The following NTM variants were observed in gnomAD, a reference collection of about 807,000 sequenced individuals.
NTM encodes the protein IgLON family member 2.
A neutral mutation model predicts 42.1 loss-of-function variants in NTM; 13 were observed. The observed-to-expected ratio is 0.31, with a 90% CI of 0.20 to 0.49. NTM has a LOEUF of 0.49. Among genes scored for constraint, NTM ranks in the 20% least tolerant of loss-of-function variants. The pLI, the probability that NTM is intolerant of heterozygous loss-of-function variation, is 0.99. For synonymous variants in NTM, 187 were observed against 179.2 expected (o/e 1.04, Z -0.35); for missense variants, 373 against 452.8 (o/e 0.82, Z 1.60).
chr11:131,747,282 A>G (rs1363311838), intron 1 of NTM, among the ~76,000 whole-genome samples: 2 of 152,160 alleles, frequency 1.3e-5, no homozygotes, highest in African/African-American at 2.4e-5. Context: ...ACCCACGAGC[A>G]CCCAAGCTTA....
At chr11:132,321,252 C>A (rs2095562138) in intron 7 of NTM, among the ~76,000 whole-genome samples, 1 of 152,016 alleles carries the variant, frequency 6.6e-6, no homozygotes, top group Non-Finnish European at 1.5e-5. Flanking sequence ...CATTTCAAAC[C>A]AAAGGCAAAG....
At chr11:131,967,678 T>C (rs1462046824) in intron 2 of NTM, among the ~76,000 whole-genome samples, 2 of 152,200 alleles carry the variant, frequency 1.3e-5, no homozygotes, top group Admixed American at 1.3e-4. Context: ...AATTTAAGCC[T>C]GAAACGAAGG....
At chr11:131,640,283 T>G (rs529283341) in intron 1 of NTM, among the ~76,000 whole-genome samples, 5 of 152,172 alleles carry the variant, frequency 3.3e-5, no homozygotes, top group African/African-American at 1.2e-4. Flanking sequence ...CCTGTTCTTA[T>G]GAGAATAAGA....
intron 1 of NTM, among the ~76,000 whole-genome samples, chr11:131,562,737 T>C (rs1322790652): frequency 2.6e-5 from 4 of 152,220 alleles, no homozygotes; most frequent in Non-Finnish European, 5.9e-5. Flanking sequence ...TTAACAGTGG[T>C]ACAGGGTGCT....
At chr11:132,314,257 G>A (rs992778322) in intron 6 of NTM, among the ~76,000 whole-genome samples, 2 of 152,180 alleles carry the variant, frequency 1.3e-5, no homozygotes, top group African/African-American at 4.8e-5. Context: ...CAGCTGGCAG[G>A]GGTTATTTGT....
intron 2 of NTM, among the ~76,000 whole-genome samples, chr11:132,024,061 G>A (rs1020270691): frequency 4.0e-5 from 6 of 151,584 alleles, no homozygotes; most frequent in Non-Finnish European, 8.8e-5. Flanking sequence ...CTCGTGATCC[G>A]CCCACCTCGG....
chr11:131,598,715 CT>C (rs769504876), intron 1 of NTM, among the ~76,000 whole-genome samples: 2 of 88,332 alleles, frequency 2.3e-5, no homozygotes, highest in African/African-American at 8.2e-5. Flanking sequence ...TTCTTTCTTT[CT>C]TTCTTTCTTT....
chr11:131,948,166 C>A (rs2060551743), intron 2 of NTM, among the ~76,000 whole-genome samples: 1 of 151,830 alleles, frequency 6.6e-6, no homozygotes. Flanking sequence ...TCGATACTAT[C>A]CTGGCTAACA....
chr11:131,644,702 C>T (rs1004164929), intron 1 of NTM, among the ~76,000 whole-genome samples: 4 of 152,092 alleles, frequency 2.6e-5, no homozygotes, highest in Non-Finnish European at 5.9e-5. Flanking sequence ...TCTCAATTTC[C>T]TTCCCTAAAT....
chr11:131,509,280 T>C (rs417906), intron 1 of NTM, among the ~76,000 whole-genome samples: 64,535 of 151,832 alleles, frequency 0.43, 14,152 homozygotes, highest in African/African-American at 0.53. Context: ...CAAAGACCAC[T>C]TGGTTTTGGT....
intron 1 of NTM, among the ~76,000 whole-genome samples, chr11:131,880,699 C>T (rs1035391282): frequency 1.3e-5 from 2 of 152,206 alleles, no homozygotes; most frequent in Non-Finnish European, 2.9e-5. Context: ...TACACACTCT[C>T]ATTTGCCTCC....
At chr11:131,618,726 G>A (rs780741631) in intron 1 of NTM, among the ~76,000 whole-genome samples, 2 of 152,200 alleles carry the variant, frequency 1.3e-5, no homozygotes, top group Non-Finnish European at 2.9e-5. Context: ...TCAGGGATAA[G>A]TAAGTATTGA....
intron 2 of NTM, among the ~76,000 whole-genome samples, chr11:131,956,193 C>T (rs528904833): frequency 3.0e-4 from 46 of 152,296 alleles, no homozygotes; most frequent in African/African-American, 1.0e-3. Context: ...GGGAATGCCA[C>T]GTGCTGATTT....
intron 1 of NTM, among the ~76,000 whole-genome samples, chr11:131,617,045 T>C (rs371920424): frequency 1.3e-5 from 2 of 152,270 alleles, no homozygotes; most frequent in East Asian, 3.9e-4. Flanking sequence ...AGGGGGACAC[T>C]GCATTTTGTC....
At chr11:131,920,343 C>T (rs1451527964) in intron 2 of NTM, among the ~76,000 whole-genome samples, 3 of 152,138 alleles carry the variant, frequency 2.0e-5, no homozygotes, top group African/African-American at 7.2e-5. Flanking sequence ...GAGGCAGGCT[C>T]AGGGCTTGAG....
intron 1 of NTM, among the ~76,000 whole-genome samples, chr11:131,883,856 G>C (rs2049940267): frequency 6.6e-6 from 1 of 152,120 alleles, no homozygotes; most frequent in African/African-American, 2.4e-5. Flanking sequence ...TTTGTACGTG[G>C]ACAAGCCCTG....
intron 2 of NTM, among the ~76,000 whole-genome samples, chr11:131,967,710 CTT>C (rs1371570550): frequency 6.6e-6 from 1 of 152,148 alleles, no homozygotes; most frequent in Non-Finnish European, 1.5e-5. Flanking sequence ...TCTTCTCTCT[CTT>C]TTTTGCTGCT....
At chr11:131,884,530 G>A (rs1256609350) in intron 1 of NTM, among the ~76,000 whole-genome samples, 1 of 152,200 alleles carries the variant, frequency 6.6e-6, no homozygotes, top group East Asian at 1.9e-4. Context: ...CAGAAACAGT[G>A]TTCTGAACTC....
intron 3 of NTM, among the ~76,000 whole-genome samples, chr11:132,153,043 C>T (rs766961687): frequency 1.3e-5 from 2 of 152,150 alleles, no homozygotes; most frequent in Non-Finnish European, 2.9e-5. Context: ...TTACAGCAAG[C>T]ACTTACAGAA....
Sources: allele counts gnomAD v4.1 joint callset (sites outside exome capture counted in the v4.1 genomes callset), GRCh38; gene constraint gnomAD v4.1.1; transcripts MANE v1.5; gene names NCBI Gene and HGNC (gene_info 2026-07-23, HGNC 2026-07-21).